MATN2: variants seen among roughly 807,000 people sequenced by gnomAD.
MATN2 encodes matrilin-2.
In MATN2, 69 loss-of-function variants were observed where a neutral mutation model predicts 103.2. The observed-to-expected ratio is 0.67, with a 90% confidence interval of 0.55 to 0.82. MATN2 has a LOEUF of 0.82. MATN2 is among the 40% of genes least tolerant of loss of function. MATN2 has a pLI of 0.00. For missense variants in MATN2, 1,023 were observed against 1,211.5 expected (o/e 0.84, Z 2.31); for synonymous variants, 429 against 450.2 (o/e 0.95, Z 0.60).
intron 14 of MATN2, among the ~76,000 whole-genome samples, chr8:98,030,100 T>C (rs1813955870): frequency 6.6e-6 from 1 of 152,214 alleles, no homozygotes. Context: ...ACTTGATTCT[T>C]AGAATTCTTC....
chr8:97,907,829 C>T (rs779940570), intron 2 of MATN2, among the ~76,000 whole-genome samples: 6 of 152,112 alleles, frequency 3.9e-5, no homozygotes, highest in Non-Finnish European at 7.3e-5. Context: ...ATTTCATTAG[C>T]GCTGTTATTG....
In MATN2 at chr8:97,931,501, G is replaced by T; in HGVS notation, c.691G>T (p.Val231Leu). The change falls in exon 3 of 19, where the codon GTG becomes TTG. Residue 231 changes from valine to leucine, a missense_variant. Val to Leu is a conservative substitution (Grantham distance 32, BLOSUM62 1). Transcript: ENST00000254898. The surrounding 1 kb of genome is among the most constrained non-coding windows in gnomAD (Gnocchi z 4.1). ...CAGCCAGATTGAGACGCTGACCTCCGTGTTCCAGAAGAAGTTGTGCAGTAA... is the reference window on the plus strand; with the variant it reads ...CAGCCAGATTGAGACGCTGACCTCCTTGTTCCAGAAGAAGTTGTGCAGTAA... Reference protein sequence around the residue: ...NFSQIETLTSVFQKKLCTAHM... With the variant: ...NFSQIETLTSLFQKKLCTAHM... The T allele has an allele frequency of 6.2e-7, 1 of 1,609,082 alleles. No individual in the cohort carries two copies. The highest frequency in any genetic ancestry group is 2.2e-5 in the East Asian group (1 of 44,822).
chr8:98,018,247 A>AT, intron 12 of MATN2, 131 bp downstream of exon 12: 1 of 1,236,344 alleles, frequency 8.1e-7, no homozygotes, highest in South Asian at 1.4e-5. Flanking sequence ...GGGTGCTCTG[A>AT]AAGTGTTTAG....
chr8:97,945,705 G>GAA (rs71303437), intron 4 of MATN2, among the ~76,000 whole-genome samples: 6,596 of 119,714 alleles, frequency 0.055, 252 homozygotes, highest in Non-Finnish European at 0.065. Context: ...ACACACTATA[G>GAA]AAAAAAAAAA....
chr8:97,947,879 A>G (rs1385556390), intron 4 of MATN2, among the ~76,000 whole-genome samples: 1 of 152,240 alleles, frequency 6.6e-6, no homozygotes. Flanking sequence ...CAAATTCTGA[A>G]TCATTGCTCC....
intron 2 of MATN2, among the ~76,000 whole-genome samples, chr8:97,922,097 T>TCC (rs1391748477): frequency 2.6e-5 from 4 of 152,062 alleles, no homozygotes; most frequent in Admixed American, 2.6e-4. Flanking sequence ...GGTGAAACAG[T>TCC]CCCCCTCTTC....
intron 6 of MATN2, among the ~76,000 whole-genome samples, chr8:97,986,165 T>G (rs1053975213): frequency 3.3e-5 from 5 of 152,194 alleles, no homozygotes; most frequent in African/African-American, 1.2e-4. Context: ...AAAAGGAAAT[T>G]TATTGAGTCA....
chr8:97,925,219 G>A (rs1001235169), intron 2 of MATN2, among the ~76,000 whole-genome samples: 2 of 152,184 alleles, frequency 1.3e-5, no homozygotes, highest in African/African-American at 2.4e-5. Context: ...TGAACACTCA[G>A]TAGTGTATGA....
intron 2 of MATN2, among the ~76,000 whole-genome samples, chr8:97,895,322 T>C (rs913645335): frequency 6.6e-6 from 1 of 152,232 alleles, no homozygotes; most frequent in African/African-American, 2.4e-5. Context: ...GACCAACCCG[T>C]GGAAGCCACT....
rs553422428 is a variant in MATN2 at position 98,011,072 on chromosome 8, G to A, written c.1573+3471G>A. On this transcript the variant is annotated intron_variant, in intron 10 of 18. Transcript: ENST00000254898. Reference sequence around the variant, plus strand: ...GCTGGCATGGCTGGGTTCTGGTGAGGGCCCTCTTCTTGGTTTGCAGACAGC... The same window carrying A: ...GCTGGCATGGCTGGGTTCTGGTGAGAGCCCTCTTCTTGGTTTGCAGACAGC... Among the ~76,000 whole-genome samples the A allele has an allele frequency of 2.3e-3, 356 of 152,282 alleles. 1 individual carries two copies. The highest frequency in any genetic ancestry group is 3.8e-3 in the Non-Finnish European group (257 of 68,028).
intron 3 of MATN2, among the ~76,000 whole-genome samples, chr8:97,941,571 C>CT (rs977275126): frequency 6.6e-6 from 1 of 152,190 alleles, no homozygotes; most frequent in Admixed American, 6.5e-5. Flanking sequence ...CAGCCTAACA[C>CT]TGTTTCTCTT....
At chr8:98,034,206 G>GA (rs1391102540) in intron 18 of MATN2, 5 of 454,916 alleles carry the variant, frequency 1.1e-5, no homozygotes, top group Non-Finnish European at 2.2e-5. Context: ...TCTAAAAAAT[G>GA]AAACACTCCA....
At chr8:97,913,408 G>A (rs578130574) in intron 2 of MATN2, among the ~76,000 whole-genome samples, 4 of 150,186 alleles carry the variant, frequency 2.7e-5, no homozygotes, top group East Asian at 2.0e-4. Context: ...TCTGCCTCCC[G>A]GGTTCAAGTG....
intron 8 of MATN2, among the ~76,000 whole-genome samples, chr8:98,004,517 T>C (rs1812898883): frequency 6.6e-6 from 1 of 152,190 alleles, no homozygotes; most frequent in Non-Finnish European, 1.5e-5. Flanking sequence ...GCAAAACTAA[T>C]AGTCGTATTA....
chr8:97,878,233 C>T (rs1818139993), intron 1 of MATN2, among the ~76,000 whole-genome samples: 1 of 152,080 alleles, frequency 6.6e-6, no homozygotes, highest in Non-Finnish European at 1.5e-5. Context: ...TTAAAATATT[C>T]AAGCTGACCA....
intron 2 of MATN2, among the ~76,000 whole-genome samples, chr8:97,911,720 A>T (rs1184767160): frequency 6.6e-6 from 1 of 152,094 alleles, no homozygotes; most frequent in Non-Finnish European, 1.5e-5. Flanking sequence ...AAAAAATAAA[A>T]TAAAAAATAA....
intron 2 of MATN2, among the ~76,000 whole-genome samples, chr8:97,917,306 C>G (rs537231058): frequency 6.6e-6 from 1 of 152,346 alleles, no homozygotes; most frequent in East Asian, 1.9e-4. Flanking sequence ...TGCAAATGCC[C>G]TTCTTGGTAG....
intron 10 of MATN2, among the ~76,000 whole-genome samples, chr8:98,009,934 A>G (rs543693204): frequency 1.8e-4 from 27 of 152,298 alleles, no homozygotes; most frequent in South Asian, 1.2e-3. Flanking sequence ...GGCCAACATG[A>G]AATGACTGGG....
rs1378031598 is a variant in MATN2 at position 97,888,137 on chromosome 8, C to T, written c.37C>T (p.Leu13Phe). The stretch of plus-strand genomic sequence containing the variant: ...GCTCGCAGGCTGCTTTCTGCTGATC[C>T]TCGGACAGATCGTCCTCCTCCCTGC... ...KMLAGCFLLI[L>F]GQIVLLPAEA... is the part of the protein sequence containing the mutation. Residue 13 changes from leucine (L) to phenylalanine (F), a missense_variant, in exon 2 of 19, where the codon CTC becomes TTC. By Grantham distance (22) the Leu-to-Phe change is conservative. Transcript: ENST00000254898. The T allele has an allele frequency of 6.2e-7, 1 of 1,609,858 alleles. No homozygotes were observed. Among genetic ancestry groups the T allele is most frequent in the Non-Finnish European group, 8.5e-7 (1 of 1,178,282 alleles).
Sources: gnomAD v4.1 joint callset for allele counts (sites outside exome capture counted in the v4.1 genomes callset) on GRCh38, gnomAD v4.1.1 for gene constraint, Gnocchi (gnomAD v3.1) non-coding constraint, MANE v1.5 for transcripts, NCBI Gene and HGNC (gene_info 2026-07-23, HGNC 2026-07-21) for gene names.